The following CEP57 variants were observed in gnomAD, a reference collection of about 807,000 sequenced individuals.
CEP57 encodes centrosomal protein 57.
CEP57 carries 40 observed loss-of-function variants against 68.0 expected under a neutral mutation model. The ratio of observed to expected loss-of-function variants is 0.59; its 90% CI spans 0.46 to 0.77. CEP57 has a LOEUF of 0.77. Ranked by LOEUF, CEP57 falls within the 30% of genes least tolerant of loss-of-function variation. The pLI is 0.00. For synonymous variants in CEP57, 219 were observed against 198.7 expected, an observed-to-expected ratio of 1.10 and a Z score of -0.86; for missense variants, 606 against 580.7, an observed-to-expected ratio of 1.04 and a Z score of -0.45.
At chr11:95,819,985 C>T (rs1862456108) in intron 6 of CEP57, among the ~76,000 whole-genome samples, 1 of 152,146 alleles carries the variant, frequency 6.6e-6, no homozygotes, top group Non-Finnish European at 1.5e-5. Context: ...TTTCTTTGCC[C>T]ATTTTCTCTT....
In CEP57 at chr11:95,821,995, A is replaced by C; in HGVS notation, c.807+17A>C. 1 of 1,521,506 alleles carries C rather than the reference A, an allele frequency of 6.6e-7. No homozygotes were observed. Among genetic ancestry groups the C allele is most frequent in the Non-Finnish European group, 9.1e-7 (1 of 1,097,302 alleles). The allele number at this position is 1,521,506 out of a possible 1,614,324, so 94.3% of individuals were successfully genotyped here. On this transcript the variant is annotated intron_variant, in intron 7 of 10. Transcript: ENST00000325542. ...CCAGAAAAGGTGTGAAGACAGAACCAAATCAGGCAAAATGCTGATTACTTG... is the reference window on the plus strand; with the variant it reads ...CCAGAAAAGGTGTGAAGACAGAACCCAATCAGGCAAAATGCTGATTACTTG...
At chr11:95,809,286 A>T (rs577759838) in intron 2 of CEP57, among the ~76,000 whole-genome samples, 46 of 152,332 alleles carry the variant, frequency 3.0e-4, no homozygotes, top group African/African-American at 1.0e-3. Flanking sequence ...CATCACAATT[A>T]AAAGAACTAG....
At position 95,813,064 on chromosome 11, in the gene CEP57, T is replaced by G. The variant is rs1296533991; in HGVS notation, c.335T>G (p.Ile112Arg). The G allele has an allele frequency of 6.2e-7, 1 of 1,613,440 alleles. No homozygotes were observed. Among genetic ancestry groups the G allele is most frequent in the Non-Finnish European group, 8.5e-7 (1 of 1,179,946 alleles). The change falls in exon 3 of 11, where the codon ATA becomes AGA. Residue 112 changes from isoleucine (I) to arginine (R), a missense_variant. Coordinates refer to ENST00000325542, the MANE Select transcript of CEP57 (RefSeq NM_014679.5). ...IEYKKVLDEQIQERENSKNEE... is the reference protein window; with the variant it reads ...IEYKKVLDEQRQERENSKNEE... Reference sequence around the variant, plus strand: ...TATAAGAAAGTACTGGATGAACAGATACAAGAAAGGGAGAATTCAAAGAAT... The same window carrying G: ...TATAAGAAAGTACTGGATGAACAGAGACAAGAAAGGGAGAATTCAAAGAAT...
intron 5 of CEP57, among the ~76,000 whole-genome samples, chr11:95,818,227 C>T (rs1052816374): frequency 3.3e-5 from 5 of 152,010 alleles, no homozygotes; most frequent in South Asian, 2.1e-4. Context: ...GCCTGACCAA[C>T]ATGGTGAAAC....
Position 95,790,636 on chromosome 11 carries a change from G to A in CEP57, c.-63G>A. On this transcript the variant is annotated 5_prime_UTR_variant, in exon 1 of 11. Coordinates refer to ENST00000325542, the MANE Select transcript of CEP57 (RefSeq NM_014679.5). ...CGCTGGTGGGCGGCTCCCGAGTCTT[G>A]GAGAAGAGCACGAGAACCTAGACCG... 5.7e-6 allele frequency: 9 copies of A among 1,588,524 alleles called. No individual in the cohort carries two copies. In the South Asian group the frequency reaches 9.1e-5, roughly 16 times the overall value.
chr11:95,819,577 G>A (rs1199837772), intron 6 of CEP57, among the ~76,000 whole-genome samples: 2 of 152,280 alleles, frequency 1.3e-5, no homozygotes, highest in South Asian at 2.1e-4. Context: ...AGACACTCTC[G>A]TTATGAGCGT....
Position 95,813,227 on chromosome 11 carries a change from T to C in CEP57, c.382+116T>C, listed in dbSNP as rs754198998. The C allele has an allele frequency of 1.1e-4, 121 of 1,132,284 alleles. 1 individual carries two copies. The highest frequency in any genetic ancestry group is 1.3e-4 in the Non-Finnish European group (99 of 782,706). The allele number at this position is 1,132,284 out of a possible 1,614,324, so 70.1% of individuals were successfully genotyped here. A position where few individuals can be genotyped will look rare whatever the true frequency, so the allele number is the denominator to read the frequency against. Reference sequence around the variant, plus strand: ...GCGGTATCTTCAAGTACTACAAAACTGCATTGTATTCTGGTGCATTTTGAG... The same window carrying C: ...GCGGTATCTTCAAGTACTACAAAACCGCATTGTATTCTGGTGCATTTTGAG... On this transcript the variant is annotated intron_variant, in intron 3 of 10. Transcript: ENST00000325542.
chr11:95,800,845 C>A (rs1214866758), intron 2 of CEP57, among the ~76,000 whole-genome samples: 1 of 152,160 alleles, frequency 6.6e-6, no homozygotes, highest in Non-Finnish European at 1.5e-5. Context: ...TTAGATGTTT[C>A]TTCATCTGTA....
chr11:95,830,983 AT>A, intron 10 of CEP57, 42 bp from the exon 11 acceptor site: 1 of 1,482,018 alleles, frequency 6.7e-7, no homozygotes, highest in Non-Finnish European at 9.4e-7. Context: ...AAATATTTTC[AT>A]TAAATTCTCC....
At chr11:95,810,078 A>G (rs1240542645) in intron 2 of CEP57, among the ~76,000 whole-genome samples, 2 of 152,226 alleles carry the variant, frequency 1.3e-5, no homozygotes, top group Non-Finnish European at 2.9e-5. Context: ...TTCATCATAT[A>G]AACAGAACCA....
At chr11:95,790,904 G>A (rs997020921) in intron 1 of CEP57, among the ~76,000 whole-genome samples, 161 bp downstream of exon 1, 1 of 152,184 alleles carries the variant, frequency 6.6e-6, no homozygotes, top group African/African-American at 2.4e-5. Context: ...ATTCACTGTG[G>A]CTGTGTCGAA....
intron 1 of CEP57, chr11:95,794,183 GCAACT>G (rs962213952): frequency 6.8e-6 from 3 of 443,280 alleles, no homozygotes; most frequent in Non-Finnish European, 1.4e-5. Flanking sequence ...TTTGCAAGGG[GCAACT>G]CTAGGGCAGT....
At chr11:95,812,360 T>G (rs1862103208) in intron 2 of CEP57, among the ~76,000 whole-genome samples, 1 of 152,104 alleles carries the variant, frequency 6.6e-6, no homozygotes, top group Non-Finnish European at 1.5e-5. Flanking sequence ...GTCTTTGAAA[T>G]TTTTTTACCA....
At chr11:95,806,064 A>G (rs1861785512) in intron 2 of CEP57, among the ~76,000 whole-genome samples, 1 of 152,242 alleles carries the variant, frequency 6.6e-6, no homozygotes, top group Non-Finnish European at 1.5e-5. Context: ...TGTGTTGTTA[A>G]AGCACTGATG....
chr11:95,808,579 G>C (rs1484983123), intron 2 of CEP57, among the ~76,000 whole-genome samples: 3 of 151,892 alleles, frequency 2.0e-5, no homozygotes, highest in Admixed American at 1.3e-4. Context: ...CCTAGTCTCT[G>C]ATAAAACGGA....
chr11:95,814,603 G>A (rs918786399), intron 4 of CEP57, among the ~76,000 whole-genome samples: 19 of 151,938 alleles, frequency 1.3e-4, no homozygotes, highest in African/African-American at 3.1e-4. Context: ...CATGTGATCC[G>A]CCTGCCTTGG....
At chr11:95,795,563 G>A in intron 1 of CEP57, 2 of 540,788 alleles carry the variant, frequency 3.7e-6, no homozygotes, top group Non-Finnish European at 3.3e-6. Flanking sequence ...AATTGATGTA[G>A]GTATCTTTGT....
intron 2 of CEP57, among the ~76,000 whole-genome samples, chr11:95,808,811 C>G (rs1169283564): frequency 6.6e-6 from 1 of 152,124 alleles, no homozygotes; most frequent in Non-Finnish European, 1.5e-5. Context: ...AGAAAGTTAA[C>G]AAGGATATCC....
chr11:95,816,856 C>T (rs934008128), intron 4 of CEP57, among the ~76,000 whole-genome samples: 3 of 151,788 alleles, frequency 2.0e-5, no homozygotes, highest in African/African-American at 4.8e-5. Flanking sequence ...ACTAAAAATA[C>T]AAAAATTAGC....
Sources: allele counts gnomAD v4.1 joint callset (sites outside exome capture counted in the v4.1 genomes callset), GRCh38; gene constraint gnomAD v4.1.1; transcripts MANE v1.5; gene names NCBI Gene and HGNC (gene_info 2026-07-23, HGNC 2026-07-21).